Variants in PABPC4L observed in about 807,000 individuals in gnomAD.
The protein encoded by PABPC4L is polyadenylate-binding protein 4-like.
For missense variants in PABPC4L, 452 were observed against 451.4 expected, an observed-to-expected ratio of 1.00 and a Z score of -0.01; for synonymous variants, 169 against 164.1, an observed-to-expected ratio of 1.03 and a Z score of -0.23.
chr4:134,120,709 A>C, the PABPC4L span, among the ~76,000 whole-genome samples: 2 of 151,306 alleles, frequency 1.3e-5, no homozygotes, highest in Non-Finnish European at 3.0e-5. Context: ...TCTAATATTT[A>C]CTTCTTTGAA....
At chr4:133,955,549 A>G in the PABPC4L span, among the ~76,000 whole-genome samples, 1 of 152,194 alleles carries the variant, frequency 6.6e-6, no homozygotes, top group African/African-American at 2.4e-5. Flanking sequence ...TTTCTATTTT[A>G]TACATATAAT....
the PABPC4L span, among the ~76,000 whole-genome samples, chr4:134,155,412 T>TCACACACACACACACACA: frequency 1.7e-3 from 255 of 147,088 alleles, 1 homozygote; most frequent in African/African-American, 3.3e-3. Flanking sequence ...CTCTCCCAGT[T>TCACACACACACACACACA]CACACACACA....
At chr4:134,158,458 G>A in the PABPC4L span, among the ~76,000 whole-genome samples, 1 of 152,104 alleles carries the variant, frequency 6.6e-6, no homozygotes, top group South Asian at 2.1e-4. Flanking sequence ...TATTCTTAAA[G>A]TCTACCTTTA....
chr4:134,038,955 C>T, the PABPC4L span, among the ~76,000 whole-genome samples: 7 of 152,118 alleles, frequency 4.6e-5, no homozygotes, highest in Admixed American at 4.6e-4. Context: ...CTCTTGTAGG[C>T]ATTTAGTGCT....
the PABPC4L span, among the ~76,000 whole-genome samples, chr4:134,178,282 G>A: frequency 6.7e-6 from 1 of 149,586 alleles, no homozygotes; most frequent in Admixed American, 6.7e-5. Context: ...TCCAAGACCA[G>A]GAATGAACTA....
chr4:134,190,907 C>T, the PABPC4L span, among the ~76,000 whole-genome samples: 22 of 152,232 alleles, frequency 1.4e-4, no homozygotes, highest in East Asian at 4.1e-3. Context: ...CCACCTCGGC[C>T]TCCCAATGTG....
chr4:134,014,933 T>G, the PABPC4L span, among the ~76,000 whole-genome samples: 1 of 152,036 alleles, frequency 6.6e-6, no homozygotes, highest in Non-Finnish European at 1.5e-5. Context: ...AGTTCCCTTA[T>G]TAGGCTGAGA....
the PABPC4L span, among the ~76,000 whole-genome samples, chr4:134,014,142 T>C: frequency 6.6e-6 from 1 of 151,996 alleles, no homozygotes; most frequent in Admixed American, 6.5e-5. Flanking sequence ...CCCTAAAAGG[T>C]CAAAAGGCCG....
the PABPC4L span, among the ~76,000 whole-genome samples, chr4:133,971,305 GT>G: frequency 6.6e-6 from 1 of 151,558 alleles, no homozygotes; most frequent in African/African-American, 2.4e-5. Context: ...TAGAGACGGG[GT>G]TTCACCATGT....
chr4:134,171,135 C>T, the PABPC4L span, among the ~76,000 whole-genome samples: 1 of 151,966 alleles, frequency 6.6e-6, no homozygotes, highest in African/African-American at 2.4e-5. Flanking sequence ...CACTTGTATG[C>T]ACTCTTTTTT....
the PABPC4L span, among the ~76,000 whole-genome samples, chr4:134,095,461 A>C: frequency 1.3e-5 from 2 of 152,034 alleles, no homozygotes; most frequent in Non-Finnish European, 2.9e-5. Flanking sequence ...TGCACAAATA[A>C]CATGAAAATA....
chr4:134,058,171 A>T, the PABPC4L span, among the ~76,000 whole-genome samples: 2 of 152,038 alleles, frequency 1.3e-5, no homozygotes, highest in Non-Finnish European at 2.9e-5. Context: ...GAAATGATTG[A>T]GACTACTTAA....
the PABPC4L span, among the ~76,000 whole-genome samples, chr4:134,149,401 G>A: frequency 1.3e-5 from 2 of 152,174 alleles, no homozygotes; most frequent in Admixed American, 1.3e-4. Flanking sequence ...TCAACGGCAT[G>A]TGTCTAGCAC....
chr4:134,086,272 G>A, the PABPC4L span, among the ~76,000 whole-genome samples: 3 of 150,590 alleles, frequency 2.0e-5, no homozygotes, highest in East Asian at 5.9e-4. Flanking sequence ...TTATTTATTT[G>A]CAAATATTTT....
the PABPC4L span, among the ~76,000 whole-genome samples, chr4:133,978,254 A>C: frequency 1.3e-5 from 2 of 152,164 alleles, no homozygotes; most frequent in Non-Finnish European, 2.9e-5. Context: ...CTGGACCAGC[A>C]GAGGTGCTAG....
the PABPC4L span, among the ~76,000 whole-genome samples, chr4:134,081,539 G>A: frequency 9.9e-5 from 15 of 152,208 alleles, no homozygotes; most frequent in African/African-American, 3.6e-4. Context: ...ATCTGGCTCA[G>A]GACTGAGGCC....
the PABPC4L span, among the ~76,000 whole-genome samples, chr4:133,972,352 T>C: frequency 6.6e-6 from 1 of 152,184 alleles, no homozygotes; most frequent in Non-Finnish European, 1.5e-5. Context: ...TCCCTACTTT[T>C]CTGACAATGA....
At chr4:134,183,147 A>G in the PABPC4L span, among the ~76,000 whole-genome samples, 1 of 151,856 alleles carries the variant, frequency 6.6e-6, no homozygotes, top group Non-Finnish European at 1.5e-5. Context: ...CACAAAGACA[A>G]TAGCATGCAA....
chr4:134,141,454 C>T, the PABPC4L span, among the ~76,000 whole-genome samples: 1 of 150,058 alleles, frequency 6.7e-6, no homozygotes, highest in Non-Finnish European at 1.5e-5. Context: ...AAATAGATCT[C>T]TTTCTATATA....
Sources: allele counts gnomAD v4.1 joint callset (sites outside exome capture counted in the v4.1 genomes callset), GRCh38; gene constraint gnomAD v4.1.1; transcripts MANE v1.5; gene names NCBI Gene and HGNC (gene_info 2026-07-23, HGNC 2026-07-21).